The following PRKG1 variants were observed in gnomAD, a reference collection of about 807,000 sequenced individuals.
PRKG1 encodes the protein cGMP-dependent protein kinase 1.
PRKG1 carries 35 observed loss-of-function variants against 88.1 expected under a neutral mutation model. The ratio of observed to expected loss-of-function variants is 0.40; its 90% confidence interval spans 0.30 to 0.53. The LOEUF (loss-of-function observed/expected upper bound fraction) is 0.53, where lower values mean the gene tolerates loss of function less well. Among genes scored for constraint, PRKG1 ranks in the 20% least tolerant of loss-of-function variants. The pLI is 0.59. For missense variants in PRKG1, 540 were observed against 839.8 expected (o/e 0.64, Z 4.41); for synonymous variants, 303 against 292.5 (o/e 1.04, Z -0.37).
intron 1 of PRKG1, among the ~76,000 whole-genome samples, chr10:51,013,840 A>G (rs1475071527): frequency 6.6e-6 from 1 of 152,216 alleles, no homozygotes; most frequent in African/African-American, 2.4e-5. Context: ...CTCTCTTTAC[A>G]TGATTTGAGT....
At chr10:51,214,452 C>A (rs1369286684) in intron 2 of PRKG1, among the ~76,000 whole-genome samples, 1 of 152,048 alleles carries the variant, frequency 6.6e-6, no homozygotes, top group Non-Finnish European at 1.5e-5. Context: ...CTTAATCAGT[C>A]AGGATGGACC....
chr10:51,766,073 G>A (rs573818407), intron 3 of PRKG1, among the ~76,000 whole-genome samples: 2 of 152,076 alleles, frequency 1.3e-5, no homozygotes, highest in South Asian at 4.2e-4. Flanking sequence ...CGTTGCCCAA[G>A]ATATCATTCA....
intron 9 of PRKG1, among the ~76,000 whole-genome samples, chr10:52,248,209 C>T: frequency 6.6e-6 from 1 of 152,196 alleles, no homozygotes; most frequent in East Asian, 1.9e-4. Flanking sequence ...GGCATTAGGG[C>T]CATTATGAAC....
At chr10:51,043,213 C>T (rs1843446984) in intron 1 of PRKG1, among the ~76,000 whole-genome samples, 1 of 152,106 alleles carries the variant, frequency 6.6e-6, no homozygotes, top group Non-Finnish European at 1.5e-5. Flanking sequence ...TGAAGAGGGA[C>T]TCCACTGAGA....
intron 3 of PRKG1, among the ~76,000 whole-genome samples, chr10:51,545,068 G>A (rs1373702744): frequency 6.6e-6 from 1 of 150,928 alleles, no homozygotes; most frequent in African/African-American, 2.4e-5. Context: ...ATTTTCTGTT[G>A]CCAGATGTGA....
At chr10:51,506,765 T>G (rs533814003) in intron 3 of PRKG1, among the ~76,000 whole-genome samples, 19 of 152,228 alleles carry the variant, frequency 1.2e-4, no homozygotes, top group African/African-American at 3.9e-4. Context: ...GATCTAGAAC[T>G]AGAAATACCA....
intron 2 of PRKG1, among the ~76,000 whole-genome samples, chr10:51,324,299 C>G (rs1286573742): frequency 6.6e-6 from 1 of 152,108 alleles, no homozygotes; most frequent in Non-Finnish European, 1.5e-5. Context: ...TACTTTCAAC[C>G]AACATGAGAT....
At chr10:51,716,406 G>A (rs138502134) in intron 3 of PRKG1, among the ~76,000 whole-genome samples, 1 of 152,094 alleles carries the variant, frequency 6.6e-6, no homozygotes, top group Non-Finnish European at 1.5e-5. Context: ...CAGGTATCTG[G>A]ACAGTCATGT....
chr10:52,266,178 A>G (rs1841564863), intron 10 of PRKG1, among the ~76,000 whole-genome samples: 2 of 136,760 alleles, frequency 1.5e-5, no homozygotes, highest in South Asian at 2.4e-4. Context: ...ATGAACCAAT[A>G]TTAATGCTTT....
chr10:51,828,950 T>C (rs1307780048), intron 4 of PRKG1, among the ~76,000 whole-genome samples: 1 of 152,172 alleles, frequency 6.6e-6, no homozygotes, highest in African/African-American at 2.4e-5. Flanking sequence ...ACAACAAACA[T>C]TTATCATCAC....
chr10:52,256,729 C>CTAGG (rs1349529216), intron 10 of PRKG1, among the ~76,000 whole-genome samples: 1 of 139,734 alleles, frequency 7.2e-6, no homozygotes, highest in African/African-American at 2.5e-5. Flanking sequence ...TTTTCCATTG[C>CTAGG]TAGGCCAAGG....
chr10:51,557,117 G>A (rs1302740366), intron 3 of PRKG1, among the ~76,000 whole-genome samples: 1 of 151,696 alleles, frequency 6.6e-6, no homozygotes, highest in Non-Finnish European at 1.5e-5. Flanking sequence ...CTTTCTTCCA[G>A]CTTCTTTTTC....
chr10:52,170,024 C>T (rs1838620048), intron 9 of PRKG1, among the ~76,000 whole-genome samples: 1 of 152,166 alleles, frequency 6.6e-6, no homozygotes, highest in Non-Finnish European at 1.5e-5. Context: ...ACTCTTCAGT[C>T]TTATACTGAG....
intron 3 of PRKG1, among the ~76,000 whole-genome samples, chr10:51,549,347 A>G (rs1792695885): frequency 6.6e-6 from 1 of 151,236 alleles, no homozygotes. Flanking sequence ...GATGGTCTCG[A>G]TCTCCTGACC....
At position 52,267,758 on chromosome 10, in the gene PRKG1, A is replaced by T. The variant is rs1258487270; in HGVS notation, c.1174-3592A>T. On this transcript the variant is annotated intron_variant, in intron 10 of 17. Coordinates refer to ENST00000373980, the MANE Select transcript of PRKG1 (RefSeq NM_006258.4). ...TTTTATTCATATATATGTCTTGGTT[A>T]TTTTTCCGTAATGTTAAATATAATT... Among the ~76,000 whole-genome samples, 3 of 151,848 alleles carry T rather than the reference A, an allele frequency of 2.0e-5. No individual in the cohort carries two copies. The East Asian group carries it at 5.8e-4, about 29-fold the overall frequency.
intron 3 of PRKG1, among the ~76,000 whole-genome samples, chr10:51,517,348 T>A (rs1841616241): frequency 6.6e-6 from 1 of 152,206 alleles, no homozygotes; most frequent in African/African-American, 2.4e-5. Flanking sequence ...AGTGTTTCTC[T>A]TTCTTCTGGG....
rs557064509 is a variant in PRKG1, at chr10:51,580,880, C to T, written c.592+113044C>T. On this transcript the variant is annotated intron_variant, in intron 3 of 17. Coordinates refer to ENST00000373980, the MANE Select transcript of PRKG1 (RefSeq NM_006258.4). ...TGACACCAAGCGGGGTGGTCTCCTA[C>T]TTCCTTAGTATTTATTGCGGGATCT... Among the ~76,000 whole-genome samples, 5 of 152,160 alleles carry T rather than the reference C, an allele frequency of 3.3e-5. No homozygotes were observed. The East Asian group carries it at 9.7e-4, about 29-fold the overall frequency.
intron 4 of PRKG1, among the ~76,000 whole-genome samples, chr10:51,836,914 C>T (rs562634841): frequency 6.6e-6 from 1 of 152,182 alleles, no homozygotes; most frequent in Non-Finnish European, 1.5e-5. Flanking sequence ...CATTGTTTTG[C>T]TTGTGAGATA....
At chr10:51,856,252 A>G (rs1313742255) in intron 4 of PRKG1, among the ~76,000 whole-genome samples, 2 of 152,190 alleles carry the variant, frequency 1.3e-5, no homozygotes, top group African/African-American at 4.8e-5. Flanking sequence ...TGTTCCATAT[A>G]AGGTAACATA....
Sources: gnomAD v4.1 joint callset for allele counts (sites outside exome capture counted in the v4.1 genomes callset) on GRCh38, gnomAD v4.1.1 for gene constraint, MANE v1.5 for transcripts, NCBI Gene and HGNC (gene_info 2026-07-23, HGNC 2026-07-21) for gene names.